The following TRPC1 variants were observed in gnomAD, a reference collection of about 807,000 sequenced individuals.
TRPC1 encodes the protein short transient receptor potential channel 1.
A neutral mutation model predicts 88.2 loss-of-function variants in TRPC1; 42 were observed. The ratio of observed to expected loss-of-function variants is 0.48; its 90% CI spans 0.37 to 0.62. TRPC1 has a LOEUF of 0.62. Ranked by LOEUF, TRPC1 falls within the 20% of genes least tolerant of loss-of-function variation. TRPC1 has a pLI of 0.00. For missense variants in TRPC1, 699 were observed against 957.3 expected (o/e 0.73, Z 3.56); for synonymous variants, 288 against 331.8 (o/e 0.87, Z 1.43).
In TRPC1 at chr3:142,790,789, T is replaced by C. The variant is rs545323828; in HGVS notation, c.1298-230T>C. On this transcript the variant is annotated intron_variant, in intron 7 of 12. Coordinates refer to ENST00000476941, the MANE Select transcript of TRPC1 (RefSeq NM_001251845.2). ...AATTTATTTGGTTTCTTACGTTTGTTCCACATCCAAAGATGAAACTTAAGG... is the reference window on the plus strand; with the variant it reads ...AATTTATTTGGTTTCTTACGTTTGTCCCACATCCAAAGATGAAACTTAAGG... Among the ~76,000 whole-genome samples the C allele has an allele frequency of 3.9e-5, 6 of 152,256 alleles. No homozygotes were observed. In the East Asian group the frequency reaches 1.2e-3, roughly 29 times the overall value.
intron 4 of TRPC1, among the ~76,000 whole-genome samples, chr3:142,773,458 A>G (rs1935648054): frequency 6.6e-6 from 1 of 151,998 alleles, no homozygotes; most frequent in Non-Finnish European, 1.5e-5. Context: ...GCAGGGTAAG[A>G]GGACAATGTC....
intron 4 of TRPC1, among the ~76,000 whole-genome samples, chr3:142,768,577 T>C (rs1211643892): frequency 2.0e-5 from 3 of 152,162 alleles, no homozygotes; most frequent in Non-Finnish European, 2.9e-5. Flanking sequence ...TTCACTCACA[T>C]GTAATGTAAT....
intron 10 of TRPC1, 150 bp downstream of exon 10, chr3:142,802,494 T>G: frequency 1.8e-6 from 1 of 542,216 alleles, no homozygotes; most frequent in Non-Finnish European, 2.8e-6. Flanking sequence ...TTATTTTTCA[T>G]GAATCACTAT....
chr3:142,763,983 T>TATATATATATATATATATAC (rs1441314374), intron 4 of TRPC1, among the ~76,000 whole-genome samples: 34 of 74,318 alleles, frequency 4.6e-4, no homozygotes, highest in East Asian at 1.2e-3. Context: ...TATATATATA[T>TATATATATATATATATATAC]ACACATACAT....
chr3:142,745,501 G>A (rs551821286), intron 3 of TRPC1, among the ~76,000 whole-genome samples: 105 of 152,070 alleles, frequency 6.9e-4, no homozygotes, highest in Non-Finnish European at 1.2e-3. Context: ...AAAATTAGCC[G>A]GGCGTGGTGC....
intron 1 of TRPC1, among the ~76,000 whole-genome samples, chr3:142,725,656 T>C (rs1292360269): frequency 6.6e-6 from 1 of 152,206 alleles, no homozygotes; most frequent in Non-Finnish European, 1.5e-5. Context: ...AATTTTTCTT[T>C]TTCCAAATTT....
At chr3:142,768,965 T>C (rs1336723097) in intron 4 of TRPC1, among the ~76,000 whole-genome samples, 9 of 152,026 alleles carry the variant, frequency 5.9e-5, no homozygotes, top group Non-Finnish European at 1.3e-4. Context: ...TATTCATATA[T>C]AGTCTTTTAT....
In TRPC1 at chr3:142,806,840, T is replaced by C. The variant is rs933700442; in HGVS notation, c.*605T>C. The C allele has an allele frequency of 1.3e-5, 2 of 152,064 alleles. No homozygotes were observed. The highest frequency in any genetic ancestry group is 4.8e-5 in the African/African-American group (2 of 41,458). The allele number at this position is 152,064 out of a possible 1,614,324, so 9.4% of individuals were successfully genotyped here. A position where few individuals can be genotyped will look rare whatever the true frequency, so the allele number is the denominator to read the frequency against. ...CACTTCAGTTTTTGTTATTGTAATA[T>C]ATTTACTTTTACATGGTTATAATCA... On this transcript the variant is annotated 3_prime_UTR_variant, in exon 13 of 13. Transcript: ENST00000476941.
rs554429775 is a variant in TRPC1 at position 142,806,109 on chromosome 3, T to G, written c.2256T>G (p.Ser752Arg). ...CTTCCATGAGACAGAAGATGCAAAG[T>G]ACAGATCAGGCAACTGTGGAAAATC... ...YLTSMRQKMQ[S>R]TDQATVENLN... Residue 752 changes from serine to arginine, a missense_variant, in exon 13 of 13, where the codon AGT becomes AGG. Physicochemically the swap from Ser to Arg is moderately radical, Grantham distance 110. Around this residue, in one of 4 missense-constraint regions of TRPC1, gnomAD observed 105 missense variants for 141.7 expected, o/e 0.74. Transcript: ENST00000476941. The G allele has an allele frequency of 6.2e-7, 1 of 1,613,966 alleles. No individual in the cohort carries two copies. Among genetic ancestry groups the G allele is most frequent in the East Asian group, 2.2e-5 (1 of 44,858 alleles).
chr3:142,773,569 A>G lies in TRPC1; in HGVS notation c.633-4063A>G, dbSNP rs912322831. 2.8e-5 allele frequency among the ~76,000 whole-genome samples: 4 copies of G among 144,430 alleles called. 1 individual carries two copies. The South Asian group carries it at 9.0e-4, about 32-fold the overall frequency. The allele number at this position is 144,430 out of a possible 152,430, so 94.8% of individuals were successfully genotyped here. A position where few individuals can be genotyped will look rare whatever the true frequency, so the allele number is the denominator to read the frequency against. On this transcript the variant is annotated intron_variant, in intron 4 of 12. Coordinates refer to ENST00000476941, the MANE Select transcript of TRPC1 (RefSeq NM_001251845.2). Reference sequence around the variant, plus strand: ...TATCCCAGCATCCTGACATCTGGTCACTCTGCAGGCAGTTTTTTTTTTTTT... The same window carrying G: ...TATCCCAGCATCCTGACATCTGGTCGCTCTGCAGGCAGTTTTTTTTTTTTT...
intron 1 of TRPC1, among the ~76,000 whole-genome samples, chr3:142,732,487 GT>G (rs1037869298): frequency 6.6e-6 from 1 of 152,114 alleles, no homozygotes; most frequent in African/African-American, 2.4e-5. Flanking sequence ...CCTGACTAGA[GT>G]TTGGTTAAGG....
intron 1 of TRPC1, among the ~76,000 whole-genome samples, chr3:142,731,480 G>A (rs767618310): frequency 1.4e-5 from 2 of 139,896 alleles, no homozygotes; most frequent in African/African-American, 2.7e-5. Context: ...CGCCTCCCAC[G>A]TTCACGCCAT....
intron 1 of TRPC1, among the ~76,000 whole-genome samples, chr3:142,733,387 C>T (rs1934006904): frequency 6.6e-6 from 1 of 152,124 alleles, no homozygotes; most frequent in African/African-American, 2.4e-5. Context: ...TGGCAGCTGC[C>T]TGTAATCCCA....
intron 1 of TRPC1, among the ~76,000 whole-genome samples, chr3:142,735,575 G>A (rs1490080798): frequency 6.6e-6 from 1 of 152,114 alleles, no homozygotes; most frequent in East Asian, 1.9e-4. Context: ...CAAATACAGT[G>A]GGGCCTTGCT....
Position 142,736,388 on chromosome 3 carries a change from A to T in TRPC1, c.182A>T (p.Tyr61Phe), listed in dbSNP as rs148156247. The T allele has an allele frequency of 3.1e-6, 5 of 1,603,594 alleles. No homozygotes were observed. The highest frequency in any genetic ancestry group is 4.3e-6 in the Non-Finnish European group (5 of 1,175,886). Residue 61 changes from tyrosine (Y) to phenylalanine (F), a missense_variant, in exon 2 of 13, where the codon TAT becomes TTT. Tyr to Phe is a conservative substitution (Grantham distance 22). This residue lies in a region of TRPC1 where 157 missense variants were observed against 127.0 expected (regional missense o/e 1.24). Coordinates refer to ENST00000476941, the MANE Select transcript of TRPC1 (RefSeq NM_001251845.2). ...GTATATTGTTATTTAGGTGACTATTATATGGTTAAAAAGATTTTGGAGGAA... is the reference window on the plus strand; with the variant it reads ...GTATATTGTTATTTAGGTGACTATTTTATGGTTAAAAAGATTTTGGAGGAA... Reference protein sequence around the residue: ...FLLACDKGDYYMVKKILEENS... With the variant: ...FLLACDKGDYFMVKKILEENS...
At chr3:142,796,272 C>G (rs533174182) in intron 9 of TRPC1, among the ~76,000 whole-genome samples, 33 of 152,208 alleles carry the variant, frequency 2.2e-4, no homozygotes, top group Non-Finnish European at 3.8e-4. Context: ...TTGTATAATA[C>G]TACAGAATAA....
chr3:142,795,161 A>C (rs1936413685), intron 9 of TRPC1, among the ~76,000 whole-genome samples: 1 of 152,116 alleles, frequency 6.6e-6, no homozygotes, highest in African/African-American at 2.4e-5. Flanking sequence ...GAAACTATTC[A>C]AAATAAAATG....
At chr3:142,766,659 G>A (rs193205114) in intron 4 of TRPC1, among the ~76,000 whole-genome samples, 105 of 152,198 alleles carry the variant, frequency 6.9e-4, no homozygotes, top group African/African-American at 2.4e-3. Context: ...GGGATTACAG[G>A]TGTGAGCTAC....
intron 4 of TRPC1, among the ~76,000 whole-genome samples, chr3:142,752,718 G>T (rs1934818794): frequency 6.6e-6 from 1 of 152,216 alleles, no homozygotes; most frequent in South Asian, 2.1e-4. Context: ...ACAATACCCT[G>T]CTTTCAAGGG....
Sources: allele counts gnomAD v4.1 joint callset (sites outside exome capture counted in the v4.1 genomes callset), GRCh38; gene constraint gnomAD v4.1.1; regional missense constraint gnomAD v4.1.1; transcripts MANE v1.5; gene names NCBI Gene and HGNC (gene_info 2026-07-23, HGNC 2026-07-21).